Variants in DCDC1 observed in about 807,000 individuals in gnomAD.
DCDC1 encodes doublecortin domain containing 1.
Under a neutral mutation model 178.3 loss-of-function variants are expected in DCDC1, and 200 were observed. That is an observed-to-expected ratio of 1.12 (90% confidence interval 1.00 to 1.26). The LOEUF (loss-of-function observed/expected upper bound fraction) is 1.26, where lower values mean the gene tolerates loss of function less well. DCDC1 is among the 50% of genes most tolerant of loss of function. The pLI is 0.00. For missense variants in DCDC1, 1,983 were observed against 1,749.2 expected, an observed-to-expected ratio of 1.13 and a Z score of -2.38; for synonymous variants, 690 against 604.8, an observed-to-expected ratio of 1.14 and a Z score of -2.07.
At chr11:31,085,301 A>G (rs1417655153) in intron 17 of DCDC1, among the ~76,000 whole-genome samples, 1 of 152,054 alleles carries the variant, frequency 6.6e-6, no homozygotes, top group Non-Finnish European at 1.5e-5. Flanking sequence ...CAACACAACA[A>G]TCAGGATAAT....
At chr11:31,093,561 A>G (rs1957946636) in intron 16 of DCDC1, among the ~76,000 whole-genome samples, 1 of 152,218 alleles carries the variant, frequency 6.6e-6, no homozygotes, top group Non-Finnish European at 1.5e-5. Flanking sequence ...GAAAAATATT[A>G]AATATTACCA....
intron 9 of DCDC1, among the ~76,000 whole-genome samples, chr11:31,204,744 C>A (rs1971680023): frequency 6.6e-6 from 1 of 152,202 alleles, no homozygotes. Flanking sequence ...ATCGCTTGAA[C>A]TCAGGAGGCG....
chr11:31,326,613 TA>T (rs1949663245), intron 3 of DCDC1, among the ~76,000 whole-genome samples: 3 of 152,170 alleles, frequency 2.0e-5, no homozygotes, highest in Admixed American at 2.0e-4. Flanking sequence ...TTCATTTTTT[TA>T]AAAGCTGCAC....
chr11:31,018,029 G>A (rs896734100), intron 20 of DCDC1, among the ~76,000 whole-genome samples: 1 of 151,960 alleles, frequency 6.6e-6, no homozygotes. Flanking sequence ...TGGATATTTT[G>A]TAACTTAGTT....
chr11:31,294,830 GAA>G (rs1947543035), intron 6 of DCDC1, among the ~76,000 whole-genome samples: 1 of 146,056 alleles, frequency 6.8e-6, no homozygotes, highest in African/African-American at 2.7e-5. Context: ...AAGAAAGAAA[GAA>G]AGAAAGAAAG....
rs1967086653 is a variant in DCDC1, at chr11:31,170,621, TACC to T, written c.1222-32840_1222-32838del. Among the ~76,000 whole-genome samples, 7 of 152,294 alleles carry T rather than the reference TACC, an allele frequency of 4.6e-5. No individual in the cohort carries two copies. The South Asian group carries it at 1.2e-3, about 27-fold the overall frequency. On this transcript the variant is annotated intron_variant, in intron 9 of 38. Coordinates refer to ENST00000684477, the MANE Select transcript of DCDC1 (RefSeq NM_001387274.1). ...TTGGAGATAAGAACAAAAACAGATT[TACC>T]TTTCACACTATGTAATCTGATGTTT... is the stretch of plus-strand genomic sequence containing the variant.
intron 11 of DCDC1, among the ~76,000 whole-genome samples, chr11:31,116,717 A>G (rs1004700944): frequency 3.9e-5 from 6 of 152,150 alleles, no homozygotes; most frequent in African/African-American, 1.4e-4. Context: ...TATATAAGAA[A>G]AAGTGTTTTA....
intron 36 of DCDC1, chr11:30,883,473 T>C (rs1333151585): frequency 4.3e-6 from 2 of 461,298 alleles, no homozygotes; most frequent in African/African-American, 2.0e-5. Context: ...AAGAAAACTT[T>C]CCTGCTCCAA....
chr11:30,932,242 T>A (rs1946977218), intron 21 of DCDC1, among the ~76,000 whole-genome samples: 1 of 152,120 alleles, frequency 6.6e-6, no homozygotes, highest in Admixed American at 6.6e-5. Context: ...GAACTTGGAA[T>A]ACTTTTGCTT....
intron 20 of DCDC1, among the ~76,000 whole-genome samples, chr11:30,962,615 CAT>C (rs1949168110): frequency 6.6e-6 from 1 of 151,952 alleles, no homozygotes; most frequent in African/African-American, 2.4e-5. Flanking sequence ...ATGGTGGAAA[CAT>C]ATGGTACATT....
chr11:31,237,326 T>G (rs535799133), intron 9 of DCDC1, among the ~76,000 whole-genome samples: 8 of 151,834 alleles, frequency 5.3e-5, no homozygotes, highest in Non-Finnish European at 1.0e-4. Context: ...TATTTCCTCA[T>G]CAAATAATAT....
intron 20 of DCDC1, among the ~76,000 whole-genome samples, chr11:30,971,607 T>G (rs949530933): frequency 1.3e-4 from 16 of 119,916 alleles, no homozygotes; most frequent in African/African-American, 4.3e-4. Context: ...GCCTTTGTTT[T>G]TTTTTTTTTT....
intron 7 of DCDC1, among the ~76,000 whole-genome samples, chr11:31,281,407 G>T (rs1946416252): frequency 6.6e-6 from 1 of 151,974 alleles, no homozygotes; most frequent in African/African-American, 2.4e-5. Context: ...TGACCAGATT[G>T]AAGAAATTCC....
intron 17 of DCDC1, among the ~76,000 whole-genome samples, chr11:31,089,656 T>G (rs964090876): frequency 6.6e-6 from 1 of 152,026 alleles, no homozygotes. Flanking sequence ...CGGTTTTCCT[T>G]GTGAATAGTT....
intron 20 of DCDC1, among the ~76,000 whole-genome samples, chr11:31,027,586 T>C (rs969593484): frequency 1.3e-5 from 2 of 151,800 alleles, no homozygotes; most frequent in African/African-American, 4.8e-5. Context: ...ATAAATAGGG[T>C]TGAATAATAT....
At chr11:31,192,154 T>A (rs994675039) in intron 9 of DCDC1, among the ~76,000 whole-genome samples, 1 of 152,070 alleles carries the variant, frequency 6.6e-6, no homozygotes, top group Non-Finnish European at 1.5e-5. Flanking sequence ...ACTCTCACCG[T>A]TAGGACCTCA....
chr11:31,266,842 G>T (rs1047702649), intron 7 of DCDC1, among the ~76,000 whole-genome samples: 1 of 152,164 alleles, frequency 6.6e-6, no homozygotes, highest in African/African-American at 2.4e-5. Flanking sequence ...TTTCCTTTCA[G>T]CCTGTAGAAC....
chr11:30,886,846 A>T (rs1467535297), intron 36 of DCDC1, among the ~76,000 whole-genome samples: 2 of 152,134 alleles, frequency 1.3e-5, no homozygotes, highest in South Asian at 4.1e-4. Flanking sequence ...AGAGATAGGC[A>T]TCTGAGAGAA....
chr11:31,097,756 T>C lies in DCDC1; in HGVS notation c.1984-3572A>G, dbSNP rs184946219. Among the ~76,000 whole-genome samples, 99 of 152,338 alleles carry C rather than the reference T, an allele frequency of 6.5e-4. 1 individual carries two copies. Among genetic ancestry groups the C allele is most frequent in the African/African-American group, 2.3e-3 (95 of 41,582 alleles). ...ATGGCAATCCGTTCAAAATTTTAACTAGCATTTTGTATTTGCTTCAGTATA... is the reference window on the plus strand; with the variant it reads ...ATGGCAATCCGTTCAAAATTTTAACCAGCATTTTGTATTTGCTTCAGTATA... On this transcript the variant is annotated intron_variant, in intron 15 of 38. Coordinates refer to ENST00000684477, the MANE Select transcript of DCDC1 (RefSeq NM_001387274.1).
Sources: allele counts gnomAD v4.1 joint callset (sites outside exome capture counted in the v4.1 genomes callset), GRCh38; gene constraint gnomAD v4.1.1; transcripts MANE v1.5; gene names NCBI Gene and HGNC (gene_info 2026-07-23, HGNC 2026-07-21).